Variants in GC observed in about 807,000 individuals in gnomAD.
The protein encoded by GC is vitamin D-binding protein.
A neutral mutation model predicts 56.7 loss-of-function variants in GC; 43 were observed. The observed-to-expected ratio is 0.76, with a 90% CI of 0.59 to 0.98. GC has a LOEUF of 0.98. Among genes scored for constraint, GC ranks in the 50% least tolerant of loss-of-function variants. The pLI, the probability that GC is intolerant of heterozygous loss-of-function variation, is 0.00. For missense variants in GC, 529 were observed against 545.9 expected, an observed-to-expected ratio of 0.97 and a Z score of 0.31; for synonymous variants, 216 against 202.7, an observed-to-expected ratio of 1.07 and a Z score of -0.56.
intron 6 of GC, among the ~76,000 whole-genome samples, chr4:71,760,079 G>T (rs1208791122): frequency 1.5e-5 from 2 of 136,962 alleles, no homozygotes; most frequent in African/African-American, 2.7e-5. Context: ...GTCTCGCTCT[G>T]TCGCCCCAGG....
chr4:71,753,034 T>C (rs1054887101), intron 10 of GC, among the ~76,000 whole-genome samples: 1 of 152,194 alleles, frequency 6.6e-6, no homozygotes, highest in African/African-American at 2.4e-5. Context: ...AATGCCTTTT[T>C]TTCCTCTCAT....
Position 71,746,159 on chromosome 4 carries a change from A to G in GC, c.*17T>C, listed in dbSNP as rs1204140406. The stretch of plus-strand genomic sequence containing the variant: ...TTATAAAATATACTTACCAAAGTTA[A>G]TAAACATGCTTCAGGACTACAGGAT... On this transcript the variant is annotated 3_prime_UTR_variant, in exon 12 of 13. Coordinates refer to ENST00000273951, the MANE Select transcript of GC (RefSeq NM_000583.4). 5.7e-6 allele frequency: 7 copies of G among 1,228,692 alleles called. No homozygotes were observed. Among genetic ancestry groups the G allele is most frequent in the South Asian group, 3.6e-5 (3 of 82,310 alleles). The allele number at this position is 1,228,692 out of a possible 1,614,324, so 76.1% of individuals were successfully genotyped here.
intron 1 of GC, among the ~76,000 whole-genome samples, chr4:71,797,442 C>G (rs1046560690): frequency 6.6e-6 from 1 of 152,260 alleles, no homozygotes; most frequent in African/African-American, 2.4e-5. Context: ...AGTTCAATCT[C>G]AGACTGCTGC....
chr4:71,795,655 C>T (rs1055648114), intron 1 of GC, among the ~76,000 whole-genome samples: 4 of 152,170 alleles, frequency 2.6e-5, no homozygotes, highest in East Asian at 1.9e-4. Flanking sequence ...AGCCCATTTA[C>T]ATTTAAGGTT....
chr4:71,762,277 T>G (rs1346965830), intron 6 of GC, among the ~76,000 whole-genome samples: 1 of 152,198 alleles, frequency 6.6e-6, no homozygotes, highest in African/African-American at 2.4e-5. Flanking sequence ...ATTTTGAACT[T>G]GCATGGGGCC....
chr4:71,766,951 T>C (rs1291551482), intron 3 of GC, among the ~76,000 whole-genome samples: 2 of 152,146 alleles, frequency 1.3e-5, no homozygotes, highest in Admixed American at 6.6e-5. Flanking sequence ...TGCTCCAGGA[T>C]TGTAGAGACA....
At chr4:71,752,767 G>T in intron 10 of GC, 117 bp from the exon 11 acceptor site, 3 of 919,658 alleles carry the variant, frequency 3.3e-6, no homozygotes, top group Admixed American at 2.5e-5. Context: ...AGAAATACTT[G>T]CCTGTCTCAA....
chr4:71,746,266 T>G, intron 11 of GC, 61 bp from the exon 12 acceptor site: 1 of 785,768 alleles, frequency 1.3e-6, no homozygotes, highest in Non-Finnish European at 2.2e-6. Context: ...GGCTACTAGA[T>G]CATGCAGAAG....
At chr4:71,799,142 C>T (rs753450747) in intron 1 of GC, among the ~76,000 whole-genome samples, 3 of 152,186 alleles carry the variant, frequency 2.0e-5, no homozygotes, top group Non-Finnish European at 2.9e-5. Context: ...TAAAAGGAAT[C>T]ATTTCAAGTC....
At chr4:71,801,445 G>A (rs1578328690) in intron 1 of GC, among the ~76,000 whole-genome samples, 1 of 152,162 alleles carries the variant, frequency 6.6e-6, no homozygotes, top group African/African-American at 2.4e-5. Context: ...GGCTCAGTGG[G>A]ACCATTGTGC....
At chr4:71,800,272 C>T (rs1466610886) in intron 1 of GC, among the ~76,000 whole-genome samples, 2 of 152,076 alleles carry the variant, frequency 1.3e-5, no homozygotes, top group Non-Finnish European at 1.5e-5. Context: ...TGTTGTTCCC[C>T]TCCCTGTGTC....
At chr4:71,783,297 T>C (rs1407932088) in intron 1 of GC, among the ~76,000 whole-genome samples, 3 of 151,694 alleles carry the variant, frequency 2.0e-5, no homozygotes, top group Admixed American at 1.3e-4. Flanking sequence ...TTCATAAAGT[T>C]GTATACTTCC....
chr4:71,751,072 G>A lies in GC; in HGVS notation c.1395+1446C>T, dbSNP rs549626846. Among the ~76,000 whole-genome samples, 6 of 152,224 alleles carry A rather than the reference G, an allele frequency of 3.9e-5. No homozygotes were observed. In the Middle Eastern group the frequency reaches 0.01, roughly 259 times the overall value. ...TATTACTAATGTCTCCAAATAAGCAGTAAAGTGAAATGAAGTGCTGTTTTT... is the reference window on the plus strand; with the variant it reads ...TATTACTAATGTCTCCAAATAAGCAATAAAGTGAAATGAAGTGCTGTTTTT... On this transcript the variant is annotated intron_variant, in intron 11 of 12. Coordinates refer to ENST00000273951, the MANE Select transcript of GC (RefSeq NM_000583.4).
At chr4:71,758,319 T>G in intron 6 of GC, 148 bp from the exon 7 acceptor site, 5 of 646,756 alleles carry the variant, frequency 7.7e-6, no homozygotes, top group South Asian at 1.9e-5. Flanking sequence ...ATGCGATAGA[T>G]CTTATGTACC....
chr4:71,763,727 C>A (rs1742061113), intron 5 of GC, 77 bp downstream of exon 5: 4 of 1,302,138 alleles, frequency 3.1e-6, no homozygotes, highest in Non-Finnish European at 4.3e-6. Flanking sequence ...TGCAAAATCT[C>A]AATTTCTACC....
At chr4:71,768,469 T>C in intron 2 of GC, 36 bp from the exon 3 acceptor site, 2 of 1,571,618 alleles carry the variant, frequency 1.3e-6, no homozygotes, top group Non-Finnish European at 1.7e-6. Context: ...CAATTAGAAC[T>C]GAAAGGTTTT....
chr4:71,756,648 G>T (rs1417872602), intron 8 of GC, 64 bp downstream of exon 8: 5 of 1,069,224 alleles, frequency 4.7e-6, no homozygotes, highest in Non-Finnish European at 7.3e-6. Flanking sequence ...CCATCTGGCT[G>T]GCCCCCACTT....
upstream of GC, chr4:71,784,322 T>C: frequency 9.3e-7 from 1 of 1,072,858 alleles, no homozygotes; most frequent in Non-Finnish European, 1.1e-6. Flanking sequence ...GGTATATAGA[T>C]TATTTTCCAC....
intron 1 of GC, among the ~76,000 whole-genome samples, chr4:71,802,000 T>C (rs1743264997): frequency 6.6e-6 from 1 of 152,068 alleles, no homozygotes; most frequent in Non-Finnish European, 1.5e-5. Context: ...TTAATTATTC[T>C]CTAATTTTGT....
Sources: allele counts gnomAD v4.1 joint callset (sites outside exome capture counted in the v4.1 genomes callset), GRCh38; gene constraint gnomAD v4.1.1; transcripts MANE v1.5; gene names NCBI Gene and HGNC (gene_info 2026-07-23, HGNC 2026-07-21).